The following RAB11FIP3 variants were observed in gnomAD, a reference collection of about 807,000 sequenced individuals.
The protein encoded by RAB11FIP3 is rab11 family-interacting protein 3.
In RAB11FIP3, 17 loss-of-function variants were observed where a neutral mutation model predicts 77.8. The observed-to-expected ratio is 0.22, with a 90% confidence interval of 0.15 to 0.33. RAB11FIP3 has a LOEUF of 0.33. Ranked by LOEUF, RAB11FIP3 falls within the 10% of genes least tolerant of loss-of-function variation. The pLI is 1.00. For synonymous variants in RAB11FIP3, 437 were observed against 448.2 expected (o/e 0.98, Z 0.31); for missense variants, 1,005 against 1,011.2 (o/e 0.99, Z 0.08).
rs564693970 is a variant in RAB11FIP3 at position 426,732 on chromosome 16, C to T, written c.714+12C>T. The T allele has an allele frequency of 5.4e-6, 8 of 1,471,448 alleles. No homozygotes were observed. Among genetic ancestry groups the T allele is most frequent in the South Asian group, 4.3e-5 (3 of 70,064 alleles). 91.1% of individuals were successfully genotyped at this position (1,471,448 alleles called of 1,614,324 possible). ...ACGGGGCAGAGCAGGTACGGAGCGG[C>T]CCGGGCCGGGGCGTGGGAACTGGGC... On this transcript the variant is annotated intron_variant, in intron 1 of 13. Coordinates refer to ENST00000262305, the MANE Select transcript of RAB11FIP3 (RefSeq NM_014700.4). The surrounding 1 kb of genome is among the most constrained non-coding windows in gnomAD (Gnocchi z 5.0).
At chr16:453,918 A>T (rs942307795) in intron 1 of RAB11FIP3, among the ~76,000 whole-genome samples, 1 of 145,850 alleles carries the variant, frequency 6.9e-6, no homozygotes, top group African/African-American at 2.6e-5. Flanking sequence ...TTGTACTTCA[A>T]ACAGAAAAAC....
chr16:436,583 G>T (rs1288779643), intron 1 of RAB11FIP3, among the ~76,000 whole-genome samples: 3 of 152,126 alleles, frequency 2.0e-5, no homozygotes, highest in Non-Finnish European at 4.4e-5. Flanking sequence ...CCAGGTTCAA[G>T]AGATTCTCCT....
chr16:522,420 G>A lies in RAB11FIP3; in HGVS notation c.*1581G>A, dbSNP rs966854738. The A allele has an allele frequency of 1.3e-5, 2 of 151,964 alleles. No homozygotes were observed. Among genetic ancestry groups the A allele is most frequent in the African/African-American group, 4.8e-5 (2 of 41,344 alleles). 9.4% of individuals were successfully genotyped at this position (151,964 alleles called of 1,614,324 possible). ...CTCCTGCTTTAATTCCCCGAGAAAC[G>A]GCTCTTCCTGCCTGGATGCAGGAGG... On this transcript the variant is annotated 3_prime_UTR_variant, in exon 14 of 14. Transcript: ENST00000262305.
intron 1 of RAB11FIP3, among the ~76,000 whole-genome samples, chr16:457,090 T>C (rs573392594): frequency 6.6e-6 from 1 of 152,230 alleles, no homozygotes; most frequent in African/African-American, 2.4e-5. Context: ...TTGAAAACAG[T>C]ATAATTCAAG....
intron 1 of RAB11FIP3, among the ~76,000 whole-genome samples, chr16:448,652 C>T (rs1228056706): frequency 6.0e-5 from 9 of 149,818 alleles, no homozygotes; most frequent in East Asian, 2.0e-4. Flanking sequence ...AGGAGAATGG[C>T]GTGAACCCAG....
At position 521,583 on chromosome 16, in the gene RAB11FIP3, A is replaced by C. The variant is rs1422936941; in HGVS notation, c.*744A>C. ...TAACCCCTGGGGGCTCTGACCACCT[A>C]TGGGGGCCGGGCAGGAGCCTCTGGG... On this transcript the variant is annotated 3_prime_UTR_variant, in exon 14 of 14. Coordinates refer to ENST00000262305, the MANE Select transcript of RAB11FIP3 (RefSeq NM_014700.4). The C allele has an allele frequency of 6.6e-6, 1 of 152,626 alleles. No individual in the cohort carries two copies. The highest frequency in any genetic ancestry group is 6.5e-5 in the Admixed American group (1 of 15,290). The allele number at this position is 152,626 out of a possible 1,614,324, so 9.5% of individuals were successfully genotyped here. A position where few individuals can be genotyped will look rare whatever the true frequency, so the allele number is the denominator to read the frequency against.
At chr16:499,102 C>T (rs1003279838) in intron 6 of RAB11FIP3, among the ~76,000 whole-genome samples, 2 of 152,108 alleles carry the variant, frequency 1.3e-5, no homozygotes, top group African/African-American at 4.8e-5. Flanking sequence ...ATCCCAGCTA[C>T]TCAGGAGACT....
intron 1 of RAB11FIP3, among the ~76,000 whole-genome samples, chr16:448,313 C>A (rs988926634): frequency 1.5e-5 from 2 of 136,122 alleles, no homozygotes; most frequent in African/African-American, 2.8e-5. Flanking sequence ...GAAACTGTCT[C>A]AAAAAAATAG....
intron 6 of RAB11FIP3, among the ~76,000 whole-genome samples, chr16:499,621 C>G (rs1190093422): frequency 6.6e-6 from 1 of 151,924 alleles, no homozygotes; most frequent in Admixed American, 6.6e-5. Context: ...CATGGTGAAA[C>G]CCCGTCTCTA....
intron 3 of RAB11FIP3, among the ~76,000 whole-genome samples, chr16:479,310 T>C (rs1228092537): frequency 6.6e-6 from 1 of 151,966 alleles, no homozygotes; most frequent in Non-Finnish European, 1.5e-5. Flanking sequence ...GAGGATTGCT[T>C]GAGCCCAGGA....
In RAB11FIP3 at chr16:471,716, A is replaced by T. The variant is rs1429489189; in HGVS notation, c.903+327A>T. Among the ~76,000 whole-genome samples the T allele has an allele frequency of 6.6e-6, 1 of 152,072 alleles. No individual in the cohort carries two copies. The highest frequency in any genetic ancestry group is 1.5e-5 in the Non-Finnish European group (1 of 67,998). Reference sequence around the variant, plus strand: ...AGGGCTTGGGAGGATTCCTTTTGTCAACTTGCAAATGATTTTCTGTGTTTG... The same window carrying T: ...AGGGCTTGGGAGGATTCCTTTTGTCTACTTGCAAATGATTTTCTGTGTTTG... On this transcript the variant is annotated intron_variant, in intron 3 of 13. Coordinates refer to ENST00000262305, the MANE Select transcript of RAB11FIP3 (RefSeq NM_014700.4). This position sits in a 1 kb window ranked among gnomAD's most constrained non-coding sequence, Gnocchi z 4.4.
At chr16:468,367 C>T (rs776515637) in intron 2 of RAB11FIP3, among the ~76,000 whole-genome samples, 2 of 149,284 alleles carry the variant, frequency 1.3e-5, no homozygotes, top group Admixed American at 1.4e-4. Context: ...TCTGGGGCTG[C>T]GGGGTCTGCT....
At chr16:504,976 C>T (rs914594429) in intron 7 of RAB11FIP3, among the ~76,000 whole-genome samples, 4 of 136,170 alleles carry the variant, frequency 2.9e-5, no homozygotes, top group Admixed American at 7.6e-5. Flanking sequence ...TACTTCACCT[C>T]CTCTTGCATC....
At chr16:456,471 C>T (rs1297667728) in intron 1 of RAB11FIP3, among the ~76,000 whole-genome samples, 1 of 146,640 alleles carries the variant, frequency 6.8e-6, no homozygotes, top group African/African-American at 2.5e-5. Flanking sequence ...AAAAGAAAAA[C>T]AAGGCTGGGC....
At chr16:511,326 A>C (rs2032150607) in intron 9 of RAB11FIP3, among the ~76,000 whole-genome samples, 1 of 120,854 alleles carries the variant, frequency 8.3e-6, no homozygotes, top group Non-Finnish European at 1.7e-5. Flanking sequence ...CAGAAACTGC[A>C]GGCCAGGCAG....
In RAB11FIP3 at chr16:522,038, C is replaced by CACGTGTGTGTGCGCGCATGTGTGCGT. The variant is rs879226002; in HGVS notation, c.*1199_*1200insACGTGTGTGTGCGCGCATGTGTGCGT. 2.6e-5 allele frequency: 1 copy of CACGTGTGTGTGCGCGCATGTGTGCGT among 39,168 alleles called. No homozygotes were observed. The highest frequency in any genetic ancestry group is 4.2e-3 in the East Asian group (1 of 240). The allele number at this position is 39,168 out of a possible 1,614,324, so 2.4% of individuals were successfully genotyped here. ...GCCACCCGCTGCGTGTGTGTGCGCG[C>CACGTGTGTGTGCGCGCATGTGTGCGT]GCGTGTACGTGTGGCCCCACATCCG... On this transcript the variant is annotated 3_prime_UTR_variant, in exon 14 of 14. Transcript: ENST00000262305.
intron 1 of RAB11FIP3, among the ~76,000 whole-genome samples, chr16:459,060 A>G (rs1430831695): frequency 2.6e-5 from 4 of 151,900 alleles, no homozygotes; most frequent in Non-Finnish European, 4.4e-5. Context: ...AATTATGAAA[A>G]TGTCATCACA....
intron 4 of RAB11FIP3, among the ~76,000 whole-genome samples, chr16:486,177 T>A (rs537300264): frequency 2.0e-5 from 3 of 152,340 alleles, no homozygotes; most frequent in Non-Finnish European, 4.4e-5. Context: ...ATGCTGGGAT[T>A]ACAGGCGAGT....
At chr16:484,645 G>A (rs1002164048) in intron 4 of RAB11FIP3, among the ~76,000 whole-genome samples, 14 of 152,324 alleles carry the variant, frequency 9.2e-5, no homozygotes, top group African/African-American at 2.4e-4. Flanking sequence ...GAGCCACCGC[G>A]TCTGGCCGTA....
Sources: gnomAD v4.1 joint callset for allele counts (sites outside exome capture counted in the v4.1 genomes callset) on GRCh38, gnomAD v4.1.1 for gene constraint, Gnocchi (gnomAD v3.1) non-coding constraint, MANE v1.5 for transcripts, NCBI Gene and HGNC (gene_info 2026-07-23, HGNC 2026-07-21) for gene names.